SUCLA2: variants seen among roughly 807,000 people sequenced by gnomAD.
The protein encoded by SUCLA2 is succinate-CoA ligase ADP-forming subunit beta.
Under a neutral mutation model 54.8 loss-of-function variants are expected in SUCLA2, and 30 were observed. That is an observed-to-expected ratio of 0.55 (90% CI 0.41 to 0.74). SUCLA2 has a LOEUF of 0.74. Ranked by LOEUF, SUCLA2 falls within the 30% of genes least tolerant of loss-of-function variation. The pLI, the probability that SUCLA2 is intolerant of heterozygous loss-of-function variation, is 0.00. For missense variants in SUCLA2, 476 were observed against 562.9 expected, an observed-to-expected ratio of 0.85 and a Z score of 1.56; for synonymous variants, 172 against 188.9, an observed-to-expected ratio of 0.91 and a Z score of 0.74.
intron 6 of SUCLA2, chr13:47,965,508 C>A (rs145585561): frequency 0.021 from 5,802 of 281,166 alleles, 90 homozygotes; most frequent in African/African-American, 0.075. Context: ...AAAAAAAAAA[C>A]AAACAAACAA....
chr13:47,985,489 T>C (rs1367139621), intron 4 of SUCLA2, among the ~76,000 whole-genome samples: 1 of 152,124 alleles, frequency 6.6e-6, no homozygotes, highest in Non-Finnish European at 1.5e-5. Context: ...CACACGGTGT[T>C]TGGTTTTCTG....
At chr13:47,949,750 T>C in intron 8 of SUCLA2, 147 bp from the exon 9 acceptor site, 1 of 802,084 alleles carries the variant, frequency 1.2e-6, no homozygotes, top group Non-Finnish European at 2.0e-6. Flanking sequence ...TCTAGCTCTC[T>C]TTATTGAAGT....
At position 47,985,247 on chromosome 13, in the gene SUCLA2, A is replaced by G. The variant is rs1950092187; in HGVS notation, c.534+3294T>C. 2.6e-5 allele frequency among the ~76,000 whole-genome samples: 4 copies of G among 152,072 alleles called. No homozygotes were observed. In the South Asian group the frequency reaches 8.3e-4, roughly 32 times the overall value. On this transcript the variant is annotated intron_variant, in intron 4 of 10. Coordinates refer to ENST00000646932, the MANE Select transcript of SUCLA2 (RefSeq NM_003850.3). ...TCTTTTTTTTTCTCTTCAACTTTTA[A>G]GTTGAGGTGTACATGTCCAGGATGT...
At chr13:47,949,370 T>C (rs1949759024) in intron 9 of SUCLA2, 113 bp downstream of exon 9, 6 of 1,255,542 alleles carry the variant, frequency 4.8e-6, no homozygotes, top group Non-Finnish European at 7.0e-6. Flanking sequence ...TCATATTGTA[T>C]AATGCTTTCA....
intron 5 of SUCLA2, among the ~76,000 whole-genome samples, chr13:47,972,766 T>TTTTG: frequency 7.1e-6 from 1 of 140,574 alleles, no homozygotes; most frequent in Non-Finnish European, 1.5e-5. Flanking sequence ...TTTTTTTTTT[T>TTTTG]GAGATGAGTC....
intron 8 of SUCLA2, among the ~76,000 whole-genome samples, chr13:47,950,298 C>T (rs983591238): frequency 6.6e-6 from 1 of 152,144 alleles, no homozygotes; most frequent in African/African-American, 2.4e-5. Context: ...TTCTGGAGGG[C>T]TAGTGTGGGG....
At chr13:47,952,763 T>C (rs1432159180) in intron 8 of SUCLA2, among the ~76,000 whole-genome samples, 1 of 152,142 alleles carries the variant, frequency 6.6e-6, no homozygotes, top group Non-Finnish European at 1.5e-5. Flanking sequence ...TAACTATAGA[T>C]AATAGGGATC....
rs1475691245 is a variant in SUCLA2 at position 47,996,319 on chromosome 13, G to A, written c.271+524C>T. Among the ~76,000 whole-genome samples, 6 of 124,186 alleles carry A rather than the reference G, an allele frequency of 4.8e-5. No homozygotes were observed. In the East Asian group the frequency reaches 7.3e-4, roughly 15 times the overall value. 81.5% of individuals were successfully genotyped at this position (124,186 alleles called of 152,430 possible). A position where few individuals can be genotyped will look rare whatever the true frequency, so the allele number is the denominator to read the frequency against. ...ACCTGGGCAATAAGAATGAAACTCC[G>A]TCTCAAAAAAAAAAAAAAAAGAAAA... is the stretch of plus-strand genomic sequence containing the variant. On this transcript the variant is annotated intron_variant, in intron 2 of 10. Transcript: ENST00000646932.
chr13:47,957,063 C>T (rs1949827005), intron 6 of SUCLA2, among the ~76,000 whole-genome samples: 2 of 152,146 alleles, frequency 1.3e-5, no homozygotes, highest in South Asian at 2.1e-4. Flanking sequence ...AAAAATGTGT[C>T]AAAGAACTGA....
In SUCLA2 at chr13:47,947,254, G is replaced by T. The variant is rs1949738809; in HGVS notation, c.1317+1686C>A. On this transcript the variant is annotated intron_variant, in intron 10 of 10. Coordinates refer to ENST00000646932, the MANE Select transcript of SUCLA2 (RefSeq NM_003850.3). ...CAGTGGAACACACATGTGTATGCATGTGTATGCACACACGCACAATACACA... is the reference window on the plus strand; with the variant it reads ...CAGTGGAACACACATGTGTATGCATTTGTATGCACACACGCACAATACACA... 2.0e-5 allele frequency among the ~76,000 whole-genome samples: 3 copies of T among 148,944 alleles called. No individual in the cohort carries two copies. In the Admixed American group the frequency reaches 2.0e-4, roughly 10 times the overall value.
rs750012963 is a variant in SUCLA2, at chr13:47,996,323, C to CAA, written c.271+518_271+519dup. Among the ~76,000 whole-genome samples the CAA allele has an allele frequency of 3.4e-3, 314 of 93,496 alleles. 1 individual carries two copies. The highest frequency in any genetic ancestry group is 6.5e-3 in the African/African-American group (155 of 23,850). 61.3% of individuals were successfully genotyped at this position (93,496 alleles called of 152,430 possible). On this transcript the variant is annotated intron_variant, in intron 2 of 10. Transcript: ENST00000646932. ...GGGCAATAAGAATGAAACTCCGTCT[C>CAA]AAAAAAAAAAAAAAAAGAAAAGAAA...
intron 6 of SUCLA2, among the ~76,000 whole-genome samples, chr13:47,954,789 A>G (rs1949806066): frequency 6.6e-6 from 1 of 152,230 alleles, no homozygotes; most frequent in East Asian, 1.9e-4. Flanking sequence ...TATGCACTAC[A>G]TAAAGAAAAA....
At position 47,943,196 on chromosome 13, in the gene SUCLA2, A is replaced by G. The variant is rs575694851; in HGVS notation, c.*175T>C. 2 of 692,328 alleles carry G rather than the reference A, an allele frequency of 2.9e-6. No homozygotes were observed. The highest frequency in any genetic ancestry group is 4.5e-5 in the Admixed American group (2 of 44,032). 42.9% of individuals were successfully genotyped at this position (692,328 alleles called of 1,614,324 possible). A position where few individuals can be genotyped will look rare whatever the true frequency, so the allele number is the denominator to read the frequency against. On this transcript the variant is annotated 3_prime_UTR_variant, in exon 11 of 11. Coordinates refer to ENST00000646932, the MANE Select transcript of SUCLA2 (RefSeq NM_003850.3). Reference sequence around the variant, plus strand: ...TGCATTATACATGCTTCGTACAAACAGTCCATTCTGAATGGTACAATTAAA... The same window carrying G: ...TGCATTATACATGCTTCGTACAAACGGTCCATTCTGAATGGTACAATTAAA...
chr13:47,974,341 T>C (rs1182243647), intron 4 of SUCLA2, among the ~76,000 whole-genome samples: 2 of 152,132 alleles, frequency 1.3e-5, no homozygotes, highest in African/African-American at 4.8e-5. Context: ...ATCACAGCAC[T>C]TCGGGACGCC....
intron 2 of SUCLA2, among the ~76,000 whole-genome samples, chr13:47,996,447 C>T (rs955842158): frequency 1.4e-4 from 22 of 151,892 alleles, no homozygotes; most frequent in African/African-American, 4.1e-4. Context: ...GGGGGAAGCA[C>T]GGACCTCTCC....
Position 47,954,466 on chromosome 13 carries a change from A to C in SUCLA2, c.894T>G (p.Asp298Glu), listed in dbSNP as rs113049148. 2 of 1,613,850 alleles carry C rather than the reference A, an allele frequency of 1.2e-6. No individual in the cohort carries two copies. The highest frequency in any genetic ancestry group is 1.7e-5 in the Admixed American group (1 of 59,982). Residue 298 changes from aspartate (D) to glutamate (E), a missense_variant, in exon 7 of 11, where the codon GAT (aspartate) becomes GAG (glutamate). By Grantham distance (45) the Asp-to-Glu change is conservative. Transcript: ENST00000646932. ...CCTTAGCAGCATCTTTGTCCCTTTCATCTTCCTGGGTCCAGTCCTGTAGAT... is the reference window on the plus strand; with the variant it reads ...CCTTAGCAGCATCTTTGTCCCTTTCCTCTTCCTGGGTCCAGTCCTGTAGAT... ...IFDLQDWTQEDERDKDAAKAN... is the reference protein window; with the variant it reads ...IFDLQDWTQEEERDKDAAKAN...
rs139541377 is a variant in SUCLA2, at chr13:47,952,606, A to G, written c.1107+1534T>C. 3.9e-3 allele frequency among the ~76,000 whole-genome samples: 589 copies of G among 152,188 alleles called. 2 individuals carry two copies. The highest frequency in any genetic ancestry group is 0.013 in the African/African-American group (552 of 41,540). Reference sequence around the variant, plus strand: ...CTATGAGGCTCCCAGAAAAGAAGAAAAAAAATGAATTTAATGACCCTATCT... The same window carrying G: ...CTATGAGGCTCCCAGAAAAGAAGAAGAAAAATGAATTTAATGACCCTATCT... On this transcript the variant is annotated intron_variant, in intron 8 of 10. Transcript: ENST00000646932.
chr13:47,967,628 G>A (rs927925267), intron 6 of SUCLA2, among the ~76,000 whole-genome samples: 2 of 152,034 alleles, frequency 1.3e-5, no homozygotes, highest in African/African-American at 4.8e-5. Context: ...ATTACCTAAG[G>A]TCAGGAGGTC....
chr13:47,963,537 C>T (rs1377281486), intron 6 of SUCLA2, among the ~76,000 whole-genome samples: 1 of 152,008 alleles, frequency 6.6e-6, no homozygotes, highest in African/African-American at 2.4e-5. Context: ...CCCAGCTACT[C>T]GGGGGGCCGA....
Sources: gnomAD v4.1 joint callset for allele counts (sites outside exome capture counted in the v4.1 genomes callset) on GRCh38, gnomAD v4.1.1 for gene constraint, MANE v1.5 for transcripts, NCBI Gene and HGNC (gene_info 2026-07-23, HGNC 2026-07-21) for gene names.